RANBP2: variants seen among roughly 807,000 people sequenced by gnomAD.
RANBP2 encodes the protein E3 SUMO-protein ligase RanBP2.
A neutral mutation model predicts 303.6 loss-of-function variants in RANBP2; 57 were observed. The ratio of observed to expected loss-of-function variants is 0.19; its 90% CI spans 0.15 to 0.23. RANBP2 has a LOEUF of 0.23. RANBP2 is among the 10% of genes least tolerant of loss of function. The pLI is 1.00. For missense variants in RANBP2, 3,138 were observed against 3,780.8 expected (o/e 0.83, Z 4.46); for synonymous variants, 1,167 against 1,301.5 (o/e 0.90, Z 2.23).
At chr2:109,660,376 C>T in the RANBP2 span, among the ~76,000 whole-genome samples, 1 of 152,224 alleles carries the variant, frequency 6.6e-6, no homozygotes, top group Non-Finnish European at 1.5e-5. Flanking sequence ...AACCAGTTCT[C>T]TTGAGCCACT....
the RANBP2 span, among the ~76,000 whole-genome samples, chr2:109,138,824 A>G: frequency 6.6e-6 from 1 of 152,196 alleles, no homozygotes; most frequent in Non-Finnish European, 1.5e-5. Context: ...GTCCACACAT[A>G]TGTACTGACT....
chr2:109,765,609 G>T, the RANBP2 span, among the ~76,000 whole-genome samples: 1 of 150,168 alleles, frequency 6.7e-6, no homozygotes, highest in East Asian at 2.1e-4. Context: ...ATGGGTCCTG[G>T]AGTAGAATTT....
At chr2:109,709,471 C>T in the RANBP2 span, among the ~76,000 whole-genome samples, 4 of 152,196 alleles carry the variant, frequency 2.6e-5, no homozygotes, top group Non-Finnish European at 1.5e-5. Context: ...TCTGATGCCC[C>T]ACTCTGAGAG....
At chr2:109,338,549 G>A in the RANBP2 span, among the ~76,000 whole-genome samples, 1 of 152,132 alleles carries the variant, frequency 6.6e-6, no homozygotes, top group South Asian at 2.1e-4. Flanking sequence ...TCAAAAACCT[G>A]TGTGTAACTT....
At chr2:108,726,371 C>G (rs1162756269) in intron 1 of RANBP2, among the ~76,000 whole-genome samples, 1 of 151,260 alleles carries the variant, frequency 6.6e-6, no homozygotes, top group African/African-American at 2.4e-5. Context: ...AGTAGCGATG[C>G]TGGCAGTTCA....
chr2:109,680,836 C>A, the RANBP2 span, among the ~76,000 whole-genome samples: 10 of 152,232 alleles, frequency 6.6e-5, no homozygotes, highest in Admixed American at 1.3e-4. Context: ...ATGACAGCAC[C>A]CAGTGTTGGC....
chr2:109,182,766 A>G, the RANBP2 span, among the ~76,000 whole-genome samples: 1 of 152,208 alleles, frequency 6.6e-6, no homozygotes, highest in Non-Finnish European at 1.5e-5. Context: ...CTTATTTTTA[A>G]TTTTAAAATT....
the RANBP2 span, among the ~76,000 whole-genome samples, chr2:109,566,160 G>A: frequency 5.6e-3 from 848 of 151,746 alleles, 14 homozygotes; most frequent in African/African-American, 0.019. Flanking sequence ...TTACTCTGTC[G>A]CCCAAGCTGA....
chr2:109,524,983 G>A, the RANBP2 span, among the ~76,000 whole-genome samples: 1 of 151,718 alleles, frequency 6.6e-6, no homozygotes, highest in Non-Finnish European at 1.5e-5. Context: ...TCCGTCCTCT[G>A]CATCTTCACT....
the RANBP2 span, among the ~76,000 whole-genome samples, chr2:108,995,619 G>A: frequency 6.6e-6 from 1 of 152,224 alleles, no homozygotes; most frequent in African/African-American, 2.4e-5. Context: ...GCTCTGCTCA[G>A]AGCAATATGC....
At chr2:109,043,004 G>A in the RANBP2 span, among the ~76,000 whole-genome samples, 1,300 of 152,280 alleles carry the variant, frequency 8.5e-3, 21 homozygotes, top group African/African-American at 0.03. Context: ...GGTCCACATA[G>A]TAAGTAAATA....
At position 108,740,767 on chromosome 2, in the gene RANBP2, A is replaced by G. The variant is rs188658500; in HGVS notation, c.975+86A>G. On this transcript the variant is annotated intron_variant, in intron 7 of 28. Transcript: ENST00000283195. ...AAGGTGTGCTCTGGTATGTAATGAC[A>G]ATATGTGAACAAACCTGTGGAATTA... 3.3e-3 allele frequency: 5,239 copies of G among 1,587,136 alleles called. 229 individuals are homozygous for G. In the Admixed American group the frequency reaches 0.072, roughly 22 times the overall value.
chr2:109,120,621 C>T, the RANBP2 span, among the ~76,000 whole-genome samples: 3 of 142,834 alleles, frequency 2.1e-5, no homozygotes, highest in African/African-American at 5.2e-5. Context: ...GAGCCGAGAT[C>T]GCGCCATTGC....
At chr2:109,012,910 T>C in the RANBP2 span, among the ~76,000 whole-genome samples, 2 of 152,128 alleles carry the variant, frequency 1.3e-5, no homozygotes, top group African/African-American at 4.8e-5. Flanking sequence ...CGAGACTCCA[T>C]CTCAGAAAAC....
the RANBP2 span, among the ~76,000 whole-genome samples, chr2:108,928,045 C>T: frequency 1.3e-5 from 2 of 152,258 alleles, no homozygotes; most frequent in Admixed American, 6.5e-5. Context: ...CAGCAGTCTG[C>T]GTGTTGACCT....
chr2:109,145,422 C>T, the RANBP2 span, among the ~76,000 whole-genome samples: 1 of 152,180 alleles, frequency 6.6e-6, no homozygotes, highest in Admixed American at 6.5e-5. Flanking sequence ...GCTGTTGGCT[C>T]TTTGCTTATG....
the RANBP2 span, among the ~76,000 whole-genome samples, chr2:109,243,821 A>G: frequency 1.3e-5 from 2 of 152,160 alleles, no homozygotes; most frequent in Non-Finnish European, 2.9e-5. Flanking sequence ...AAGCCATTGA[A>G]AGGCTGTAAT....
the RANBP2 span, among the ~76,000 whole-genome samples, chr2:109,392,741 T>A: frequency 6.6e-6 from 1 of 151,860 alleles, no homozygotes; most frequent in Non-Finnish European, 1.5e-5. Context: ...GGTCTTGATC[T>A]CCTGACCTTG....
At chr2:109,707,117 G>C in the RANBP2 span, among the ~76,000 whole-genome samples, 23 of 152,100 alleles carry the variant, frequency 1.5e-4, no homozygotes, top group African/African-American at 5.6e-4. Context: ...TTACTTTTTT[G>C]ATAAAATAAT....
Sources: allele counts gnomAD v4.1 joint callset (sites outside exome capture counted in the v4.1 genomes callset), GRCh38; gene constraint gnomAD v4.1.1; transcripts MANE v1.5; gene names NCBI Gene and HGNC (gene_info 2026-07-23, HGNC 2026-07-21).